Variants in BLMH observed in about 807,000 individuals in gnomAD.
BLMH encodes bleomycin hydrolase.
BLMH carries 32 observed loss-of-function variants against 61.6 expected under a neutral mutation model. That is an observed-to-expected ratio of 0.52 (90% CI 0.39 to 0.70). BLMH has a LOEUF of 0.70. Among genes scored for constraint, BLMH ranks in the 30% least tolerant of loss-of-function variants. The pLI is 0.00. For synonymous variants in BLMH, 183 were observed against 193.8 expected (o/e 0.94, Z 0.46); for missense variants, 460 against 555.5 (o/e 0.83, Z 1.73).
chr17:30,283,712 G>T (rs560785300), intron 6 of BLMH, among the ~76,000 whole-genome samples: 2 of 152,012 alleles, frequency 1.3e-5, no homozygotes, highest in South Asian at 2.1e-4. Flanking sequence ...AGTAGAGACG[G>T]GGTTTCACCA....
intron 11 of BLMH, among the ~76,000 whole-genome samples, chr17:30,261,208 T>A (rs1227905223): frequency 1.3e-5 from 2 of 152,216 alleles, no homozygotes; most frequent in Non-Finnish European, 2.9e-5. Flanking sequence ...GCTGTCTGTG[T>A]CAAATTAAGA....
intron 6 of BLMH, 99 bp downstream of exon 6, chr17:30,285,289 G>T: frequency 3.7e-6 from 3 of 803,692 alleles, no homozygotes; most frequent in Admixed American, 2.9e-5. Flanking sequence ...TTAAACATTC[G>T]TTGCCATGAC....
At chr17:30,258,483 G>C (rs1907873958) in intron 11 of BLMH, among the ~76,000 whole-genome samples, 1 of 152,140 alleles carries the variant, frequency 6.6e-6, no homozygotes, top group Non-Finnish European at 1.5e-5. Flanking sequence ...TAGGAAAAAT[G>C]CAGGGTGGAA....
intron 11 of BLMH, 120 bp downstream of exon 11, chr17:30,266,765 T>C (rs527571952): frequency 1.5e-5 from 13 of 871,398 alleles, no homozygotes; most frequent in Non-Finnish European, 2.2e-5. Flanking sequence ...TTCTGTAGAA[T>C]AATCTAGTCA....
Position 30,271,402 on chromosome 17 carries a change from G to A in BLMH, c.1029-14C>T. The A allele has an allele frequency of 1.6e-5, 25 of 1,597,284 alleles. No homozygotes were observed. The highest frequency in any genetic ancestry group is 2.1e-5 in the Non-Finnish European group (25 of 1,164,876). ...TCATGGTCATAGCTGTAAAAAGAAT[G>A]ATAGTACAAAATAAAGGGAGTACGA... On this transcript the variant is annotated splice_polypyrimidine_tract_variant and intron_variant, in intron 9 of 11. Transcript: ENST00000261714.
chr17:30,259,489 G>A lies in BLMH; in HGVS notation c.1216+7396C>T, dbSNP rs897632671. 1.2e-4 allele frequency among the ~76,000 whole-genome samples: 19 copies of A among 152,100 alleles called. No homozygotes were observed. In the East Asian group the frequency reaches 3.3e-3, roughly 26 times the overall value. ...CCTTTTCAATCACCTCAGCTTCCAT[G>A]TCTTCCTATTGTCTCCCCACTGAGG... On this transcript the variant is annotated intron_variant, in intron 11 of 11. Coordinates refer to ENST00000261714, the MANE Select transcript of BLMH (RefSeq NM_000386.4).
At chr17:30,279,029 G>A (rs1196598842) in intron 6 of BLMH, among the ~76,000 whole-genome samples, 1 of 152,200 alleles carries the variant, frequency 6.6e-6, no homozygotes, top group Non-Finnish European at 1.5e-5. Flanking sequence ...GATAAAGGGG[G>A]TGGACTTGGA....
At chr17:30,268,288 G>T (rs1908164376) in intron 10 of BLMH, among the ~76,000 whole-genome samples, 1 of 152,034 alleles carries the variant, frequency 6.6e-6, no homozygotes, top group African/African-American at 2.4e-5. Flanking sequence ...AGATCAAATT[G>T]TTCTCTGGGT....
intron 7 of BLMH, 96 bp from the exon 8 acceptor site, chr17:30,272,995 C>A: frequency 7.3e-7 from 1 of 1,363,406 alleles, no homozygotes; most frequent in Non-Finnish European, 1.0e-6. Context: ...TCAAGCTCAT[C>A]ATCTCTGCCT....
chr17:30,261,242 T>G (rs916152455), intron 11 of BLMH, among the ~76,000 whole-genome samples: 5 of 152,234 alleles, frequency 3.3e-5, no homozygotes. Flanking sequence ...ATTCTATCTC[T>G]GATTCTGTGC....
intron 6 of BLMH, among the ~76,000 whole-genome samples, chr17:30,283,487 T>C (rs531443664): frequency 6.6e-6 from 1 of 152,060 alleles, no homozygotes; most frequent in African/African-American, 2.4e-5. Context: ...CACAACTGTT[T>C]GCAGAACCTT....
At position 30,258,613 on chromosome 17, in the gene BLMH, A is replaced by G. The variant is rs573370913; in HGVS notation, c.1216+8272T>C. On this transcript the variant is annotated intron_variant, in intron 11 of 11. Coordinates refer to ENST00000261714, the MANE Select transcript of BLMH (RefSeq NM_000386.4). ...CCTGAGAAGTGCCCCTCTACTAAGGAGCCCAGAAGAAGCCTGTTCACCTCC... is the reference window on the plus strand; with the variant it reads ...CCTGAGAAGTGCCCCTCTACTAAGGGGCCCAGAAGAAGCCTGTTCACCTCC... Among the ~76,000 whole-genome samples the G allele has an allele frequency of 2.6e-5, 4 of 152,286 alleles. No homozygotes were observed. The East Asian group carries it at 7.7e-4, about 29-fold the overall frequency.
intron 11 of BLMH, among the ~76,000 whole-genome samples, chr17:30,250,899 C>T (rs796649267): frequency 1.9e-4 from 29 of 152,244 alleles, no homozygotes; most frequent in African/African-American, 6.3e-4. Context: ...ATATTATACT[C>T]GGCCATAAAA....
At chr17:30,273,938 T>C in intron 7 of BLMH, 104 bp downstream of exon 7, 1 of 1,375,274 alleles carries the variant, frequency 7.3e-7, no homozygotes, top group African/African-American at 1.5e-5. Context: ...GTTTGCTGTC[T>C]AGTTTGATAC....
chr17:30,257,583 A>C (rs1907850632), intron 11 of BLMH, among the ~76,000 whole-genome samples: 1 of 152,226 alleles, frequency 6.6e-6, no homozygotes, highest in Admixed American at 6.5e-5. Context: ...GGAACAATGT[A>C]ATTTCATTAT....
At chr17:30,291,763 G>A in intron 1 of BLMH, 44 bp downstream of exon 1, 1 of 1,422,244 alleles carries the variant, frequency 7.0e-7, no homozygotes, top group Non-Finnish European at 9.2e-7. Flanking sequence ...CGGGGACCGC[G>A]GAGCTCCTCC....
chr17:30,289,006 T>C (rs977046677), intron 3 of BLMH, among the ~76,000 whole-genome samples: 13 of 152,286 alleles, frequency 8.5e-5, no homozygotes, highest in African/African-American at 3.1e-4. Flanking sequence ...TAAAATTATT[T>C]ACTGTTTTTC....
At chr17:30,275,558 T>A (rs1464156007) in intron 6 of BLMH, among the ~76,000 whole-genome samples, 1 of 151,672 alleles carries the variant, frequency 6.6e-6, no homozygotes, top group Non-Finnish European at 1.5e-5. Flanking sequence ...TGGTGGTATG[T>A]ACCTATAATC....
At chr17:30,267,902 A>G (rs1351506650) in intron 10 of BLMH, among the ~76,000 whole-genome samples, 5 of 152,176 alleles carry the variant, frequency 3.3e-5, no homozygotes, top group African/African-American at 1.2e-4. Context: ...AGTCTCATCT[A>G]TATGGGATTT....
Sources: allele counts gnomAD v4.1 joint callset (sites outside exome capture counted in the v4.1 genomes callset), GRCh38; gene constraint gnomAD v4.1.1; transcripts MANE v1.5; gene names NCBI Gene and HGNC (gene_info 2026-07-23, HGNC 2026-07-21).